NDUFS6: variants seen among roughly 807,000 people sequenced by gnomAD.
The protein encoded by NDUFS6 is NADH dehydrogenase [ubiquinone] iron-sulfur protein 6, mitochondrial.
In NDUFS6, 14 loss-of-function variants were observed where a neutral mutation model predicts 13.2. That is an observed-to-expected ratio of 1.06 (90% CI 0.70 to 1.66). NDUFS6 has a LOEUF of 1.66. NDUFS6 is among the 40% of genes most tolerant of loss of function. NDUFS6 has a pLI of 0.00. For synonymous variants in NDUFS6, 95 were observed against 72.3 expected, an observed-to-expected ratio of 1.31 and a Z score of -1.60; for missense variants, 206 against 170.8, an observed-to-expected ratio of 1.21 and a Z score of -1.15.
chr5:1,814,790 G>A lies in NDUFS6; in HGVS notation c.309+329G>A, dbSNP rs937299922. 9.3e-5 allele frequency: 62 copies of A among 667,068 alleles called. No individual in the cohort carries two copies. The highest frequency in any genetic ancestry group is 5.0e-4 in the African/African-American group (28 of 55,682). The allele number at this position is 667,068 out of a possible 1,614,324, so 41.3% of individuals were successfully genotyped here. ...ACACACAGCACCGCAGGCTGGGGTC[G>A]AAAACAACAAACACATTTCCCACAG... On this transcript the variant is annotated intron_variant, in intron 3 of 3. Coordinates refer to ENST00000274137, the MANE Select transcript of NDUFS6 (RefSeq NM_004553.6). The surrounding 1 kb of genome is among the most constrained non-coding windows in gnomAD (Gnocchi z 4.9).
chr5:1,801,727 G>A (rs996975222), intron 1 of NDUFS6, among the ~76,000 whole-genome samples, 178 bp downstream of exon 1: 4 of 152,254 alleles, frequency 2.6e-5, no homozygotes, highest in Non-Finnish European at 5.9e-5. Flanking sequence ...GGTGGTGGCA[G>A]CCTGTAGCGG....
At chr5:1,813,982 C>T (rs1734262205) in intron 2 of NDUFS6, among the ~76,000 whole-genome samples, 1 of 152,226 alleles carries the variant, frequency 6.6e-6, no homozygotes, top group Non-Finnish European at 1.5e-5. Flanking sequence ...CTGTGACAGA[C>T]AGGCCCGAGC....
Position 1,802,378 on chromosome 5 carries a change from A to G in NDUFS6, c.186+4A>G, listed in dbSNP as rs968413060. 2 of 1,613,406 alleles carry G rather than the reference A, an allele frequency of 1.2e-6. No homozygotes were observed. Among genetic ancestry groups the G allele is most frequent in the Non-Finnish European group, 8.5e-7 (1 of 1,179,502 alleles). The stretch of plus-strand genomic sequence containing the variant: ...GTTTGTAGGTCGTCAGAAAGAGGTG[A>G]GTAAAAAATCTAGTGAAGAGAGGTA... On this transcript the variant is annotated splice_donor_region_variant and intron_variant, in intron 2 of 3. Coordinates refer to ENST00000274137, the MANE Select transcript of NDUFS6 (RefSeq NM_004553.6).
intron 2 of NDUFS6, among the ~76,000 whole-genome samples, chr5:1,803,494 G>T (rs1734080936): frequency 1.3e-5 from 2 of 152,180 alleles, no homozygotes; most frequent in Admixed American, 1.3e-4. Context: ...AAGCTGTGTG[G>T]ACTTGCAGTC....
intron 2 of NDUFS6, among the ~76,000 whole-genome samples, chr5:1,805,859 G>A (rs1388833254): frequency 1.3e-5 from 2 of 152,202 alleles, no homozygotes; most frequent in African/African-American, 4.8e-5. Context: ...AGTAGCTGGG[G>A]CTGCCCTGCC....
chr5:1,815,311 T>C (rs1734291849), intron 3 of NDUFS6, among the ~76,000 whole-genome samples: 1 of 152,116 alleles, frequency 6.6e-6, no homozygotes, highest in Non-Finnish European at 1.5e-5. Context: ...AGTGGAGCAC[T>C]CAGGGACTCA....
chr5:1,808,081 C>G (rs532014037), intron 2 of NDUFS6, among the ~76,000 whole-genome samples: 10 of 152,118 alleles, frequency 6.6e-5, no homozygotes, highest in Admixed American at 5.9e-4. Flanking sequence ...TGAGGGGCCT[C>G]GGAATTCCAC....
At chr5:1,813,460 GA>G (rs1173767577) in intron 2 of NDUFS6, among the ~76,000 whole-genome samples, 1 of 152,090 alleles carries the variant, frequency 6.6e-6, no homozygotes, top group Non-Finnish European at 1.5e-5. Flanking sequence ...TTCTCCTTTG[GA>G]TTTCATGTAA....
At position 1,814,736 on chromosome 5, in the gene NDUFS6, GT is replaced by G; in HGVS notation, c.309+278del. 1 of 702,352 alleles carries G rather than the reference GT, an allele frequency of 1.4e-6. No homozygotes were observed. Among genetic ancestry groups the G allele is most frequent in the Non-Finnish European group, 2.6e-6 (1 of 386,340 alleles). 43.5% of individuals were successfully genotyped at this position (702,352 alleles called of 1,614,324 possible). On this transcript the variant is annotated intron_variant, in intron 3 of 3. Transcript: ENST00000274137. This position sits in a 1 kb window ranked among gnomAD's most constrained non-coding sequence, Gnocchi z 4.9. ...GTCTTTCCTCTCTGGGCCCTTCTCG[GT>G]TTGGTCATCATCTCAGCTCAGGCTG...
rs372994558 is a variant in NDUFS6, at chr5:1,801,454, C to G, written c.37C>G (p.Arg13Gly). 4.4e-6 allele frequency: 7 copies of G among 1,604,844 alleles called. No individual in the cohort carries two copies. Among genetic ancestry groups the G allele is most frequent in the Non-Finnish European group, 5.9e-6 (7 of 1,178,700 alleles). The change falls in exon 1 of 4, where the codon CGG (arginine) becomes GGG (glycine). Residue 13 changes from arginine to glycine, a missense_variant. Arg to Gly is a moderately radical substitution (Grantham distance 125). Transcript: ENST00000274137. ...GATGACCTTCTGCCGGCTGCTGAAC[C>G]GGTGTGGCGAGGCGGCGCGGAGCCT... ...AAMTFCRLLN[R>G]CGEAARSLPL...
intron 2 of NDUFS6, among the ~76,000 whole-genome samples, chr5:1,807,364 G>C (rs770395416): frequency 2.6e-5 from 4 of 152,204 alleles, no homozygotes; most frequent in Non-Finnish European, 5.9e-5. Flanking sequence ...GGGTGGTGGT[G>C]ATGGTTGCAC....
intron 2 of NDUFS6, among the ~76,000 whole-genome samples, chr5:1,805,950 G>A (rs1354573928): frequency 6.6e-6 from 1 of 152,172 alleles, no homozygotes; most frequent in Non-Finnish European, 1.5e-5. Context: ...GTAGGCTCGT[G>A]GGCACTGAGT....
At chr5:1,809,001 G>A (rs1049783328) in intron 2 of NDUFS6, among the ~76,000 whole-genome samples, 16 of 152,108 alleles carry the variant, frequency 1.1e-4, no homozygotes, top group African/African-American at 2.9e-4. Flanking sequence ...TCCCTTCTGC[G>A]TTGGTTTTGA....
At chr5:1,811,781 T>C (rs1734223033) in intron 2 of NDUFS6, among the ~76,000 whole-genome samples, 1 of 152,240 alleles carries the variant, frequency 6.6e-6, no homozygotes, top group Admixed American at 6.5e-5. Context: ...GTGAGACTGC[T>C]ACATAGGTGA....
chr5:1,801,573 G>A (rs745820468), intron 1 of NDUFS6, 24 bp downstream of exon 1: 2 of 1,560,424 alleles, frequency 1.3e-6, no homozygotes, highest in Non-Finnish European at 8.6e-7. Flanking sequence ...GGTACAGGAT[G>A]CACCTTCCTC....
chr5:1,815,155 A>G (rs1038410077), intron 3 of NDUFS6, among the ~76,000 whole-genome samples: 3 of 152,122 alleles, frequency 2.0e-5, no homozygotes, highest in East Asian at 3.9e-4. Context: ...TTGAGAAAAA[A>G]AAGAACACAG....
At chr5:1,809,261 C>T (rs909924288) in intron 2 of NDUFS6, among the ~76,000 whole-genome samples, 5 of 152,180 alleles carry the variant, frequency 3.3e-5, no homozygotes, top group African/African-American at 4.8e-5. Flanking sequence ...AGATGGCGTG[C>T]GGGCTGCTGT....
intron 2 of NDUFS6, among the ~76,000 whole-genome samples, chr5:1,808,859 G>C (rs542537932): frequency 2.0e-5 from 3 of 152,116 alleles, no homozygotes; most frequent in Admixed American, 6.5e-5. Flanking sequence ...AATAATTATT[G>C]GCATTCATGT....
At position 1,814,090 on chromosome 5, in the gene NDUFS6, G is replaced by A. The variant is rs1026525760; in HGVS notation, c.187-249G>A. On this transcript the variant is annotated intron_variant, in intron 2 of 3. Transcript: ENST00000274137. This position sits in a 1 kb window ranked among gnomAD's most constrained non-coding sequence, Gnocchi z 4.9. ...GTGTCAGCATTTGCTGGGTCCACGG[G>A]GACAGAAGGGAAAGGCTCTGTGCTG... Among the ~76,000 whole-genome samples, 1 of 152,222 alleles carries A rather than the reference G, an allele frequency of 6.6e-6. No individual in the cohort carries two copies. Among genetic ancestry groups the A allele is most frequent in the Non-Finnish European group, 1.5e-5 (1 of 68,042 alleles).
Sources: gnomAD v4.1 joint callset for allele counts (sites outside exome capture counted in the v4.1 genomes callset) on GRCh38, gnomAD v4.1.1 for gene constraint, Gnocchi (gnomAD v3.1) non-coding constraint, MANE v1.5 for transcripts, NCBI Gene and HGNC (gene_info 2026-07-23, HGNC 2026-07-21) for gene names.